Variants in RALGPS1 observed in about 807,000 individuals in gnomAD.
RALGPS1 encodes the protein ras-specific guanine nucleotide-releasing factor RalGPS1.
RALGPS1 carries 19 observed loss-of-function variants against 78.8 expected under a neutral mutation model. That is an observed-to-expected ratio of 0.24 (90% CI 0.17 to 0.35). RALGPS1 has a LOEUF of 0.35. Among genes scored for constraint, RALGPS1 ranks in the 10% least tolerant of loss-of-function variants. The pLI is 1.00. For synonymous variants in RALGPS1, 228 were observed against 256.3 expected (o/e 0.89, Z 1.06); for missense variants, 454 against 688.3 (o/e 0.66, Z 3.81).
At chr9:126,956,513 T>C (rs893560920) in intron 1 of RALGPS1, among the ~76,000 whole-genome samples, 1 of 152,214 alleles carries the variant, frequency 6.6e-6, no homozygotes, top group Admixed American at 6.5e-5. Flanking sequence ...TCTTTCCTTC[T>C]AGGTCAGACC....
At chr9:127,198,633 G>A (rs1260969655) in intron 13 of RALGPS1, among the ~76,000 whole-genome samples, 1 of 152,168 alleles carries the variant, frequency 6.6e-6, no homozygotes, top group Non-Finnish European at 1.5e-5. Context: ...GGAAGAGGAA[G>A]AGGTGCTCAT....
At chr9:127,068,213 C>T (rs1456670785) in intron 7 of RALGPS1, among the ~76,000 whole-genome samples, 1 of 152,150 alleles carries the variant, frequency 6.6e-6, no homozygotes, top group Non-Finnish European at 1.5e-5. Flanking sequence ...TTACCACACC[C>T]AGTGTAAATA....
At chr9:127,017,023 A>G (rs1452941827) in intron 4 of RALGPS1, 1 of 152,246 alleles carries the variant, frequency 6.6e-6, no homozygotes, top group African/African-American at 2.4e-5. Flanking sequence ...ATTAAAAAAA[A>G]GACCAGATTT....
Position 127,067,328 on chromosome 9 carries a change from C to T in RALGPS1, c.484-1902C>T, listed in dbSNP as rs530325616. On this transcript the variant is annotated intron_variant, in intron 7 of 18. Transcript: ENST00000259351. Reference sequence around the variant, plus strand: ...CTTTTATTCTTCAACTTCTTCAGCACCAGAACCTTCCTTTCAGCATATTCT... The same window carrying T: ...CTTTTATTCTTCAACTTCTTCAGCATCAGAACCTTCCTTTCAGCATATTCT... 9.2e-5 allele frequency among the ~76,000 whole-genome samples: 14 copies of T among 152,312 alleles called. No homozygotes were observed. The South Asian group carries it at 2.9e-3, about 32-fold the overall frequency.
Position 127,196,728 on chromosome 9 carries a change from G to A in RALGPS1, c.1195+97G>A, listed in dbSNP as rs982929927. 3.8e-5 allele frequency: 53 copies of A among 1,379,742 alleles called. No homozygotes were observed. In the South Asian group the frequency reaches 5.4e-4, roughly 14 times the overall value. 85.5% of individuals were successfully genotyped at this position (1,379,742 alleles called of 1,614,324 possible). On this transcript the variant is annotated intron_variant, in intron 13 of 18. Transcript: ENST00000259351. ...GTGTCACTGTGCCATGCCCAGTGGC[G>A]CTATCATTCTTGGGGACCCAGTGGC...
chr9:127,166,405 A>G (rs1321442243), intron 9 of RALGPS1, among the ~76,000 whole-genome samples, 199 bp downstream of exon 9: 1 of 152,228 alleles, frequency 6.6e-6, no homozygotes, highest in Non-Finnish European at 1.5e-5. Context: ...CTATTTCTGT[A>G]TTACAGGTGA....
chr9:126,951,693 C>G (rs1382410041), intron 1 of RALGPS1, among the ~76,000 whole-genome samples: 1 of 152,192 alleles, frequency 6.6e-6, no homozygotes, highest in African/African-American at 2.4e-5. Flanking sequence ...CTATTTATGA[C>G]AACCCCACAG....
At chr9:127,186,678 A>G (rs2060669658) in intron 11 of RALGPS1, among the ~76,000 whole-genome samples, 1 of 152,246 alleles carries the variant, frequency 6.6e-6, no homozygotes, top group Non-Finnish European at 1.5e-5. Context: ...TTGGTCAACA[A>G]TGCAGAAGAG....
intron 4 of RALGPS1, among the ~76,000 whole-genome samples, chr9:126,991,460 A>G (rs995300307): frequency 2.6e-5 from 4 of 152,250 alleles, no homozygotes; most frequent in African/African-American, 7.2e-5. Context: ...AAGTGAATAA[A>G]TAACACAAAA....
At chr9:127,154,744 AGT>A (rs2058618122) in intron 8 of RALGPS1, among the ~76,000 whole-genome samples, 1 of 152,226 alleles carries the variant, frequency 6.6e-6, no homozygotes. Flanking sequence ...GACTAGGTAC[AGT>A]GTGGTCACAG....
At chr9:127,191,102 T>C (rs2061003051) in intron 11 of RALGPS1, among the ~76,000 whole-genome samples, 2 of 152,226 alleles carry the variant, frequency 1.3e-5, no homozygotes, top group African/African-American at 2.4e-5. Context: ...CTTACAGATA[T>C]TTGAAGTTCT....
chr9:127,197,305 C>T (rs374483333), intron 13 of RALGPS1, among the ~76,000 whole-genome samples: 2 of 152,140 alleles, frequency 1.3e-5, no homozygotes, highest in Admixed American at 1.3e-4. Context: ...GTGGGCACCG[C>T]CCTGTTATTA....
chr9:126,981,623 C>G (rs2041252909), intron 4 of RALGPS1, among the ~76,000 whole-genome samples: 2 of 152,154 alleles, frequency 1.3e-5, no homozygotes, highest in Admixed American at 6.5e-5. Context: ...AGGCTAGGCT[C>G]CTTAGATGTA....
At chr9:127,118,041 C>A (rs533262852) in intron 8 of RALGPS1, among the ~76,000 whole-genome samples, 1 of 152,302 alleles carries the variant, frequency 6.6e-6, no homozygotes, top group Admixed American at 6.5e-5. Flanking sequence ...AGAGGCCTGG[C>A]TCCCCACACC....
At position 127,066,313 on chromosome 9, in the gene RALGPS1, T is replaced by C. The variant is rs1474895604; in HGVS notation, c.484-2917T>C. 2.6e-5 allele frequency among the ~76,000 whole-genome samples: 4 copies of C among 152,170 alleles called. No individual in the cohort carries two copies. The East Asian group carries it at 7.7e-4, about 29-fold the overall frequency. ...GTTGTATTAATAAAGAATGACCTCC[T>C]GAATAAGGGGCGTGAGTGGTCGGCT... On this transcript the variant is annotated intron_variant, in intron 7 of 18. Coordinates refer to ENST00000259351, the MANE Select transcript of RALGPS1 (RefSeq NM_014636.3).
intron 1 of RALGPS1, among the ~76,000 whole-genome samples, chr9:126,937,035 G>A (rs2036329723): frequency 6.6e-6 from 1 of 152,046 alleles, no homozygotes; most frequent in African/African-American, 2.4e-5. Flanking sequence ...ATTTTTAGTA[G>A]AGATGGGTTT....
At chr9:127,135,446 A>G (rs1426555642) in intron 8 of RALGPS1, among the ~76,000 whole-genome samples, 1 of 152,140 alleles carries the variant, frequency 6.6e-6, no homozygotes, top group Non-Finnish European at 1.5e-5. Context: ...GCAAGGGACA[A>G]CCAGCCCAGA....
intron 5 of RALGPS1, among the ~76,000 whole-genome samples, chr9:127,035,751 T>C (rs1346244567): frequency 1.3e-5 from 2 of 152,164 alleles, no homozygotes; most frequent in Non-Finnish European, 2.9e-5. Flanking sequence ...TTATTATTAT[T>C]TGATGAGATA....
chr9:127,029,701 G>A (rs1337514621), intron 4 of RALGPS1, among the ~76,000 whole-genome samples: 1 of 152,234 alleles, frequency 6.6e-6, no homozygotes, highest in African/African-American at 2.4e-5. Context: ...GCTTCCTGTG[G>A]CCCGATGGCC....
Sources: gnomAD v4.1 joint callset for allele counts (sites outside exome capture counted in the v4.1 genomes callset) on GRCh38, gnomAD v4.1.1 for gene constraint, MANE v1.5 for transcripts, NCBI Gene and HGNC (gene_info 2026-07-23, HGNC 2026-07-21) for gene names.